Variants in SCP2 observed in about 807,000 individuals in gnomAD.
The protein encoded by SCP2 is SCP-2/3-oxoacyl-CoA thiolase.
Under a neutral mutation model 71.4 loss-of-function variants are expected in SCP2, and 48 were observed. The ratio of observed to expected loss-of-function variants is 0.67; its 90% CI spans 0.53 to 0.86. SCP2 has a LOEUF of 0.86. SCP2 is among the 40% of genes least tolerant of loss of function. The probability of loss-of-function intolerance (pLI) is 0.00; values close to 1 mark genes in which losing one functional copy is unlikely to be tolerated. For missense variants in SCP2, 560 were observed against 655.6 expected (o/e 0.85, Z 1.59); for synonymous variants, 220 against 218.1 (o/e 1.01, Z -0.08).
intron 5 of SCP2, among the ~76,000 whole-genome samples, chr1:52,960,728 G>C (rs558161265): frequency 6.6e-6 from 1 of 150,994 alleles, no homozygotes; most frequent in Admixed American, 6.6e-5. Context: ...GTGTGTGTGT[G>C]TGTGTGTGTG....
intron 13 of SCP2, among the ~76,000 whole-genome samples, chr1:53,036,906 G>A (rs770327309): frequency 6.6e-6 from 1 of 151,998 alleles, no homozygotes; most frequent in Non-Finnish European, 1.5e-5. Flanking sequence ...ATTTTGGGAG[G>A]CTGAGGCAGT....
At chr1:53,010,526 G>C (rs1009611749) in intron 11 of SCP2, among the ~76,000 whole-genome samples, 1 of 152,110 alleles carries the variant, frequency 6.6e-6, no homozygotes, top group African/African-American at 2.4e-5. Context: ...ACTGTCGGAA[G>C]GACAGAAAAC....
At chr1:53,035,415 C>A (rs972578965) in intron 13 of SCP2, among the ~76,000 whole-genome samples, 1 of 151,904 alleles carries the variant, frequency 6.6e-6, no homozygotes, top group African/African-American at 2.4e-5. Flanking sequence ...AACATTTTCC[C>A]AAAGGACATT....
intron 6 of SCP2, among the ~76,000 whole-genome samples, chr1:52,970,258 A>T (rs1051999883): frequency 6.6e-6 from 1 of 152,094 alleles, no homozygotes; most frequent in Non-Finnish European, 1.5e-5. Flanking sequence ...CCTCTTCTGT[A>T]AGTGTAGTAG....
intron 1 of SCP2, among the ~76,000 whole-genome samples, chr1:52,928,072 G>T (rs1430007073): frequency 6.6e-6 from 1 of 152,210 alleles, no homozygotes; most frequent in Admixed American, 6.5e-5. Context: ...CTTCTGTTCT[G>T]TTTGTACCGT....
At chr1:52,930,331 A>T (rs910683574) in intron 1 of SCP2, among the ~76,000 whole-genome samples, 2 of 151,798 alleles carry the variant, frequency 1.3e-5, no homozygotes, top group Non-Finnish European at 2.9e-5. Context: ...AAAAAAAAAA[A>T]AATTGCTGCT....
chr1:53,051,455 T>C lies in SCP2; in HGVS notation c.*751T>C, dbSNP rs1338325540. On this transcript the variant is annotated 3_prime_UTR_variant, in exon 16 of 16. Transcript: ENST00000371514. ...TTATAACGTTCTCAGTCCTTTGTTA[T>C]AATTTTCCTTTTTCATGTAAGTTTA... The C allele has an allele frequency of 1.3e-5, 2 of 152,242 alleles. No homozygotes were observed. Among genetic ancestry groups the C allele is most frequent in the Non-Finnish European group, 2.9e-5 (2 of 68,046 alleles). 9.4% of individuals were successfully genotyped at this position (152,242 alleles called of 1,614,324 possible). A position where few individuals can be genotyped will look rare whatever the true frequency, so the allele number is the denominator to read the frequency against.
At chr1:52,931,334 G>A (rs1308090714) in intron 1 of SCP2, among the ~76,000 whole-genome samples, 7 of 152,074 alleles carry the variant, frequency 4.6e-5, no homozygotes, top group Non-Finnish European at 1.0e-4. Flanking sequence ...CAGGTAGGGT[G>A]GGAAAGAAGA....
intron 6 of SCP2, among the ~76,000 whole-genome samples, chr1:52,967,703 G>C (rs1557570062): frequency 2.0e-5 from 3 of 152,154 alleles, no homozygotes; most frequent in Non-Finnish European, 4.4e-5. Flanking sequence ...TGCTTCTAGT[G>C]AACAAGCACC....
chr1:53,042,795 A>G (rs1663528512), intron 14 of SCP2, among the ~76,000 whole-genome samples: 2 of 152,238 alleles, frequency 1.3e-5, no homozygotes, highest in Non-Finnish European at 2.9e-5. Flanking sequence ...AGATTTACTT[A>G]AATGTATTTT....
chr1:53,041,607 A>G (rs1663440117), intron 14 of SCP2, among the ~76,000 whole-genome samples: 1 of 152,146 alleles, frequency 6.6e-6, no homozygotes, highest in African/African-American at 2.4e-5. Context: ...TCAGGAGGAT[A>G]GATGTTGCCA....
At chr1:53,018,567 C>T (rs929581314) in intron 12 of SCP2, among the ~76,000 whole-genome samples, 1 of 151,872 alleles carries the variant, frequency 6.6e-6, no homozygotes, top group Non-Finnish European at 1.5e-5. Flanking sequence ...CATGGCGAAA[C>T]CCCCTCTCTA....
chr1:52,995,233 A>G (rs1039162616), intron 11 of SCP2: 4 of 501,192 alleles, frequency 8.0e-6, no homozygotes, highest in African/African-American at 7.8e-5. Flanking sequence ...GCCTCCACCC[A>G]AAGTGTCTGA....
At chr1:52,952,392 A>C (rs1172182304) in intron 4 of SCP2, among the ~76,000 whole-genome samples, 1 of 152,132 alleles carries the variant, frequency 6.6e-6, no homozygotes, top group Non-Finnish European at 1.5e-5. Flanking sequence ...TACAAGAAAA[A>C]TAAAAAATAA....
chr1:52,934,773 C>T (rs542726851), intron 1 of SCP2, among the ~76,000 whole-genome samples: 2 of 148,882 alleles, frequency 1.3e-5, no homozygotes, highest in African/African-American at 4.9e-5. Context: ...CCAACACGCC[C>T]GGCTAATTTT....
rs778553826 is a variant in SCP2, at chr1:52,980,451, T to G, written c.881T>G (p.Leu294Arg). The change falls in exon 10 of 16, where the codon CTG (leucine) becomes CGG (arginine). Residue 294 changes from leucine (L) to arginine (R), a missense_variant. By Grantham distance (102) the Leu-to-Arg change is moderately radical. Coordinates refer to ENST00000371514, the MANE Select transcript of SCP2 (RefSeq NM_002979.5). ...AGAAAATGCTATGAGAAATCTGGCC[T>G]GACACCAAATGATATTGACGTAATA... ...AARKCYEKSGLTPNDIDVIEL... is the reference protein window; with the variant it reads ...AARKCYEKSGRTPNDIDVIEL... The G allele has an allele frequency of 3.1e-6, 5 of 1,614,114 alleles. No homozygotes were observed. Among genetic ancestry groups the G allele is most frequent in the Middle Eastern group, 3.3e-4 (2 of 6,062 alleles).
intron 10 of SCP2, among the ~76,000 whole-genome samples, chr1:52,983,589 CT>C (rs1428424946): frequency 1.3e-5 from 2 of 152,234 alleles, no homozygotes; most frequent in South Asian, 4.1e-4. Flanking sequence ...CATGTTCTTT[CT>C]ACTCATGAAC....
intron 13 of SCP2, among the ~76,000 whole-genome samples, chr1:53,037,500 G>A (rs1478106374): frequency 6.7e-6 from 1 of 149,958 alleles, no homozygotes; most frequent in Non-Finnish European, 1.5e-5. Flanking sequence ...CTTCAGGAAG[G>A]AAAGGCTGGG....
chr1:52,953,722 C>T lies in SCP2; in HGVS notation c.332-1018C>T, dbSNP rs138290022. 4.0e-5 allele frequency among the ~76,000 whole-genome samples: 6 copies of T among 150,872 alleles called. No individual in the cohort carries two copies. The East Asian group carries it at 9.7e-4, about 24-fold the overall frequency. ...TGTTATTAAAAACTTTGTTTGGTGG[C>T]TTATGTTTGTAATCCCAGCACTTTG... is the stretch of plus-strand genomic sequence containing the variant. On this transcript the variant is annotated intron_variant, in intron 4 of 15. Transcript: ENST00000371514.
Sources: allele counts gnomAD v4.1 joint callset (sites outside exome capture counted in the v4.1 genomes callset), GRCh38; gene constraint gnomAD v4.1.1; transcripts MANE v1.5; gene names NCBI Gene and HGNC (gene_info 2026-07-23, HGNC 2026-07-21).